ZFAND3: variants seen among roughly 807,000 people sequenced by gnomAD.
ZFAND3 encodes zinc finger AN1-type containing 3.
A neutral mutation model predicts 29.6 loss-of-function variants in ZFAND3; 10 were observed. That is an observed-to-expected ratio of 0.34 (90% CI 0.21 to 0.57). ZFAND3 has a LOEUF of 0.57. Among genes scored for constraint, ZFAND3 ranks in the 20% least tolerant of loss-of-function variants. The pLI, the probability that ZFAND3 is intolerant of heterozygous loss-of-function variation, is 0.86. For missense variants in ZFAND3, 230 were observed against 304.5 expected (o/e 0.76, Z 1.82); for synonymous variants, 128 against 112.6 (o/e 1.14, Z -0.87).
chr6:37,980,161 G>GTT lies in ZFAND3; in HGVS notation c.112+50163_112+50164insTT, dbSNP rs1284042886. ...TGTTTCCCATCTCTCAGAGGTCACT[G>GTT]TCTTTTTTTTTTTTTTTGCTAGATA... On this transcript the variant is annotated intron_variant, in intron 2 of 5. Coordinates refer to ENST00000287218, the MANE Select transcript of ZFAND3 (RefSeq NM_021943.3). 3.6e-3 allele frequency among the ~76,000 whole-genome samples: 182 copies of GTT among 50,834 alleles called. 1 individual carries two copies. The highest frequency in any genetic ancestry group is 8.2e-3 in the African/African-American group (174 of 21,108). 33.3% of individuals were successfully genotyped at this position (50,834 alleles called of 152,430 possible).
At chr6:37,901,773 T>C (rs1765323249) in intron 1 of ZFAND3, among the ~76,000 whole-genome samples, 1 of 152,224 alleles carries the variant, frequency 6.6e-6, no homozygotes, top group Non-Finnish European at 1.5e-5. Context: ...CTCACTTCCA[T>C]GTTCTGTTTG....
intron 1 of ZFAND3, among the ~76,000 whole-genome samples, chr6:37,895,587 C>T (rs2127398519): frequency 7.1e-6 from 1 of 141,386 alleles, no homozygotes; most frequent in South Asian, 2.2e-4. Flanking sequence ...GGTTTAATGT[C>T]TTTGGTTACT....
In ZFAND3 at chr6:37,905,973, T is replaced by C. The variant is rs566126068; in HGVS notation, c.72-23986T>C. 9.8e-5 allele frequency among the ~76,000 whole-genome samples: 15 copies of C among 152,290 alleles called. No homozygotes were observed. In the South Asian group the frequency reaches 2.9e-3, roughly 29 times the overall value. ...AAGCCAAAAGAGGTAGAAAAAGTTA[T>C]AGTAATTAAGTTCAAGTTAAAAATG... On this transcript the variant is annotated intron_variant, in intron 1 of 5. Transcript: ENST00000287218.
intron 1 of ZFAND3, among the ~76,000 whole-genome samples, chr6:37,856,657 T>TA (rs1371425056): frequency 1.3e-5 from 2 of 152,208 alleles, no homozygotes; most frequent in Admixed American, 1.3e-4. Flanking sequence ...GTTCTCTTGA[T>TA]ACTGTGCCTA....
intron 2 of ZFAND3, among the ~76,000 whole-genome samples, chr6:38,006,658 T>G (rs1413730355): frequency 7.0e-5 from 3 of 42,976 alleles, no homozygotes; most frequent in Admixed American, 2.0e-4. Context: ...GAAGAGGGTT[T>G]TTTTTTTTTT....
chr6:37,955,655 A>G (rs1358941337), intron 2 of ZFAND3, among the ~76,000 whole-genome samples: 1 of 152,186 alleles, frequency 6.6e-6, no homozygotes, highest in East Asian at 1.9e-4. Context: ...TAGGGAATTA[A>G]ATGATGCCAG....
At chr6:38,003,048 C>T (rs576005424) in intron 2 of ZFAND3, 11 of 153,320 alleles carry the variant, frequency 7.2e-5, no homozygotes, top group Non-Finnish European at 1.3e-4. Flanking sequence ...AATGTTACTT[C>T]TCATCTTTCA....
chr6:38,027,312 A>G (rs1763469930), intron 2 of ZFAND3, among the ~76,000 whole-genome samples: 1 of 152,240 alleles, frequency 6.6e-6, no homozygotes. Context: ...AGTCTCATTC[A>G]GTACATGTTC....
At position 38,154,525 on chromosome 6, in the gene ZFAND3, G is replaced by A. The variant is rs1766312654; in HGVS notation, c.*2136G>A. On this transcript the variant is annotated 3_prime_UTR_variant, in exon 6 of 6. Transcript: ENST00000287218. ...GATTTACTTACACACATAGCCTAGAGCTCAGTTTTAGTTTTAACATTGTGA... is the reference window on the plus strand; with the variant it reads ...GATTTACTTACACACATAGCCTAGAACTCAGTTTTAGTTTTAACATTGTGA... The A allele has an allele frequency of 1.0e-6, 1 of 980,590 alleles. No individual in the cohort carries two copies. Among genetic ancestry groups the A allele is most frequent in the South Asian group, 4.7e-5 (1 of 21,206 alleles). 60.7% of individuals were successfully genotyped at this position (980,590 alleles called of 1,614,324 possible).
intron 4 of ZFAND3, among the ~76,000 whole-genome samples, chr6:38,089,102 C>T (rs887238482): frequency 6.6e-6 from 1 of 151,898 alleles, no homozygotes; most frequent in Non-Finnish European, 1.5e-5. Flanking sequence ...AACAGTTTTT[C>T]CCTTTTCTTG....
intron 4 of ZFAND3, among the ~76,000 whole-genome samples, chr6:38,089,974 C>T (rs1460485881): frequency 6.6e-6 from 1 of 152,188 alleles, no homozygotes; most frequent in Middle Eastern, 3.2e-3. Context: ...CTGCCTCAGC[C>T]TCCTGAGTAG....
rs79017234 is a variant in ZFAND3 at position 38,082,644 on chromosome 6, T to C, written c.361+187T>C. On this transcript the variant is annotated intron_variant, in intron 4 of 5. Coordinates refer to ENST00000287218, the MANE Select transcript of ZFAND3 (RefSeq NM_021943.3). ...GAATGATGTTTTTGGGGAGTCAGAT[T>C]GACTGAGTAAATGCAGCTAGATCCA... Among the ~76,000 whole-genome samples, 30 of 152,208 alleles carry C rather than the reference T, an allele frequency of 2.0e-4. No individual in the cohort carries two copies. The East Asian group carries it at 5.6e-3, about 28-fold the overall frequency.
intron 1 of ZFAND3, chr6:37,833,152 C>T (rs185970226): frequency 7.6e-4 from 116 of 152,330 alleles, no homozygotes; most frequent in African/African-American, 2.6e-3. Flanking sequence ...TCAAGCAGTC[C>T]ACCTCAGCCT....
chr6:38,048,344 G>T (rs550321853), intron 2 of ZFAND3, among the ~76,000 whole-genome samples: 23 of 151,812 alleles, frequency 1.5e-4, no homozygotes, highest in Admixed American at 1.4e-3. Flanking sequence ...TATTCAGGCC[G>T]GGCGCGGTGG....
chr6:37,860,820 G>A (rs144923459), intron 1 of ZFAND3, among the ~76,000 whole-genome samples: 40 of 151,754 alleles, frequency 2.6e-4, no homozygotes, highest in African/African-American at 9.0e-4. Flanking sequence ...ATGGGATGTG[G>A]CTTAGTTTCT....
intron 2 of ZFAND3, among the ~76,000 whole-genome samples, chr6:37,974,953 C>T (rs574482590): frequency 6.6e-6 from 1 of 152,280 alleles, no homozygotes; most frequent in South Asian, 2.1e-4. Context: ...CTGGCTATCA[C>T]ATAAATGTCT....
At chr6:37,951,322 G>GT (rs754146730) in intron 2 of ZFAND3, among the ~76,000 whole-genome samples, 3 of 152,212 alleles carry the variant, frequency 2.0e-5, no homozygotes, top group Non-Finnish European at 4.4e-5. Flanking sequence ...GCTGGGTGCA[G>GT]TTGCTCACGC....
chr6:38,013,797 A>G (rs1763203443), intron 2 of ZFAND3, among the ~76,000 whole-genome samples: 1 of 152,222 alleles, frequency 6.6e-6, no homozygotes, highest in South Asian at 2.1e-4. Context: ...AGTATTTGGA[A>G]TGGAAGCCAG....
At position 38,152,792 on chromosome 6, in the gene ZFAND3, C is replaced by T; in HGVS notation, c.*403C>T. On this transcript the variant is annotated 3_prime_UTR_variant, in exon 6 of 6. Coordinates refer to ENST00000287218, the MANE Select transcript of ZFAND3 (RefSeq NM_021943.3). ...GTTCCCACGACGCACATGGCTTTGC[C>T]AGAAACTCTGTTTAATGATCGGCCT... 2.0e-6 allele frequency: 2 copies of T among 989,624 alleles called. No individual in the cohort carries two copies. The highest frequency in any genetic ancestry group is 1.2e-6 in the Non-Finnish European group (1 of 832,668). 61.3% of individuals were successfully genotyped at this position (989,624 alleles called of 1,614,324 possible). A position where few individuals can be genotyped will look rare whatever the true frequency, so the allele number is the denominator to read the frequency against.
Sources: allele counts gnomAD v4.1 joint callset (sites outside exome capture counted in the v4.1 genomes callset), GRCh38; gene constraint gnomAD v4.1.1; transcripts MANE v1.5; gene names NCBI Gene and HGNC (gene_info 2026-07-23, HGNC 2026-07-21).